IL1RAPL1: variants seen among roughly 807,000 people sequenced by gnomAD.
IL1RAPL1 encodes interleukin-1 receptor accessory protein-like 1.
IL1RAPL1 carries 3 observed loss-of-function variants against 48.4 expected under a neutral mutation model. The ratio of observed to expected loss-of-function variants is 0.06; its 90% CI spans 0.03 to 0.16. IL1RAPL1 has a LOEUF of 0.16. IL1RAPL1 is among the 10% of genes least tolerant of loss of function. IL1RAPL1 has a pLI of 1.00. For missense variants in IL1RAPL1, 349 were observed against 530.6 expected (o/e 0.66, Z 3.36); for synonymous variants, 185 against 187.7 (o/e 0.99, Z 0.12).
intron 3 of IL1RAPL1, among the ~76,000 whole-genome samples, chrX:29,294,029 T>C (rs899785730): frequency 1.9e-5 from 2 of 106,620 alleles, no homozygotes; most frequent in Non-Finnish European, 3.8e-5. Flanking sequence ...TTGTGTGTGG[T>C]CCTAAAGTAA....
chrX:29,397,982 A>C (rs934950519), intron 4 of IL1RAPL1, among the ~76,000 whole-genome samples: 1 of 112,062 alleles, frequency 8.9e-6, no homozygotes, highest in Admixed American at 9.5e-5. Context: ...ACCTTAAGCT[A>C]TGCAGACTAG....
At chrX:29,872,045 G>C (rs1931810401) in intron 6 of IL1RAPL1, among the ~76,000 whole-genome samples, 1 of 111,564 alleles carries the variant, frequency 9.0e-6, no homozygotes, top group Non-Finnish European at 1.9e-5. Flanking sequence ...TTCTAAGTTA[G>C]TTATAAAATT....
At position 29,111,604 on chromosome X, in the gene IL1RAPL1, C is replaced by T. The variant is rs1036501755; in HGVS notation, c.83-171334C>T. 2.7e-5 allele frequency among the ~76,000 whole-genome samples: 3 copies of T among 111,553 alleles called. No homozygotes were observed. The East Asian group carries it at 8.4e-4, about 31-fold the overall frequency. On this transcript the variant is annotated intron_variant, in intron 2 of 10. Coordinates refer to ENST00000378993, the MANE Select transcript of IL1RAPL1 (RefSeq NM_014271.4). ...ACATGAGCAAGAATTTCTTCAGGGC[C>T]AGTGACTAGGGATGAGACTGTTGGG...
intron 2 of IL1RAPL1, among the ~76,000 whole-genome samples, chrX:29,040,757 C>T (rs914348653): frequency 2.7e-5 from 3 of 111,882 alleles, no homozygotes; most frequent in African/African-American, 6.5e-5. Flanking sequence ...GGAAGTGGGT[C>T]GGCTCCTAAT....
chrX:29,798,473 C>T (rs773602753), intron 6 of IL1RAPL1, among the ~76,000 whole-genome samples: 1 of 111,971 alleles, frequency 8.9e-6, no homozygotes, highest in Non-Finnish European at 1.9e-5. Context: ...TCCAAAGCAT[C>T]AACTCATAGA....
At chrX:28,815,292 T>G (rs1408008716) in intron 2 of IL1RAPL1, among the ~76,000 whole-genome samples, 1 of 110,257 alleles carries the variant, frequency 9.1e-6, no homozygotes, top group East Asian at 2.9e-4. Flanking sequence ...GAAGTATAAT[T>G]TCAGTGAATA....
intron 5 of IL1RAPL1, among the ~76,000 whole-genome samples, chrX:29,516,232 A>C (rs901202458): frequency 1.8e-5 from 2 of 112,094 alleles, no homozygotes; most frequent in African/African-American, 6.5e-5. Flanking sequence ...GTTGTGAAAA[A>C]ATTATCTTGA....
intron 2 of IL1RAPL1, among the ~76,000 whole-genome samples, chrX:29,247,867 A>G (rs1475775064): frequency 9.0e-6 from 1 of 111,704 alleles, no homozygotes; most frequent in Non-Finnish European, 1.9e-5. Context: ...TGGAAGGATA[A>G]TTATTTGGTG....
intron 2 of IL1RAPL1, among the ~76,000 whole-genome samples, chrX:29,217,217 C>T (rs1930886303): frequency 8.9e-6 from 1 of 112,107 alleles, no homozygotes; most frequent in Admixed American, 9.5e-5. Context: ...TATTTTACTC[C>T]ACTTTGATAA....
At chrX:28,846,638 C>A (rs1271837697) in intron 2 of IL1RAPL1, among the ~76,000 whole-genome samples, 2 of 111,959 alleles carry the variant, frequency 1.8e-5, no homozygotes, top group Non-Finnish European at 3.8e-5. Flanking sequence ...GTAGTGATAT[C>A]TCATTGTTGT....
intron 5 of IL1RAPL1, among the ~76,000 whole-genome samples, chrX:29,483,575 G>A (rs760449939): frequency 1.8e-5 from 2 of 111,899 alleles, no homozygotes; most frequent in South Asian, 7.5e-4. Context: ...GACTACAACT[G>A]TGAAGCTATA....
intron 2 of IL1RAPL1, among the ~76,000 whole-genome samples, chrX:29,199,539 G>A (rs750714869): frequency 1.6e-4 from 18 of 111,269 alleles, no homozygotes; most frequent in African/African-American, 5.9e-4. Context: ...GCTGATTTCG[G>A]GGTGAAACTG....
At chrX:29,752,080 GTATATATATATATA>G (rs757287803) in intron 6 of IL1RAPL1, among the ~76,000 whole-genome samples, 41 of 85,322 alleles carry the variant, frequency 4.8e-4, no homozygotes, top group African/African-American at 1.5e-3. Context: ...ATGTGTGTAT[GTATATATATATATA>G]TATATATATA....
chrX:29,022,470 A>C (rs1263507662), intron 2 of IL1RAPL1, among the ~76,000 whole-genome samples: 1 of 112,280 alleles, frequency 8.9e-6, no homozygotes, highest in East Asian at 2.8e-4. Flanking sequence ...CAAATATGGA[A>C]ATCAGGTGAT....
At chrX:29,579,926 C>G (rs1453456909) in intron 5 of IL1RAPL1, among the ~76,000 whole-genome samples, 1 of 111,433 alleles carries the variant, frequency 9.0e-6, no homozygotes, top group East Asian at 2.8e-4. Context: ...AAATTATAGA[C>G]TTTTTTGTTA....
chrX:28,715,457 G>A (rs965547081), intron 1 of IL1RAPL1, among the ~76,000 whole-genome samples: 1 of 111,613 alleles, frequency 9.0e-6, no homozygotes, highest in Non-Finnish European at 1.9e-5. Context: ...AAGATCTCAA[G>A]TTAACAACCT....
intron 6 of IL1RAPL1, among the ~76,000 whole-genome samples, chrX:29,848,492 C>T (rs767917545): frequency 1.7e-4 from 19 of 109,903 alleles, no homozygotes; most frequent in Non-Finnish European, 3.2e-4. Context: ...CCTTTTCAGA[C>T]TTGTGCAGAG....
chrX:29,437,112 C>T (rs1934490575), intron 5 of IL1RAPL1, among the ~76,000 whole-genome samples: 1 of 111,212 alleles, frequency 9.0e-6, no homozygotes, highest in South Asian at 3.7e-4. Context: ...TTACTTCCTA[C>T]ATAAACAGAG....
At chrX:28,999,433 CCT>C (rs961784570) in intron 2 of IL1RAPL1, among the ~76,000 whole-genome samples, 10 of 111,394 alleles carry the variant, frequency 9.0e-5, no homozygotes, top group African/African-American at 3.3e-4. Context: ...TAGCCCAATC[CCT>C]GAGTTAATTT....
Sources: allele counts gnomAD v4.1 joint callset (sites outside exome capture counted in the v4.1 genomes callset), GRCh38; gene constraint gnomAD v4.1.1; transcripts MANE v1.5; gene names NCBI Gene and HGNC (gene_info 2026-07-23, HGNC 2026-07-21).